Variants in OTUD7A observed in about 807,000 individuals in gnomAD.
OTUD7A encodes the protein OTU deubiquitinase 7A.
In OTUD7A, 12 loss-of-function variants were observed where a neutral mutation model predicts 65.7. That is an observed-to-expected ratio of 0.18 (90% CI 0.12 to 0.30). OTUD7A has a LOEUF of 0.30. Ranked by LOEUF, OTUD7A falls within the 10% of genes least tolerant of loss-of-function variation. The pLI is 1.00. For synonymous variants in OTUD7A, 641 were observed against 586.3 expected, an observed-to-expected ratio of 1.09 and a Z score of -1.35; for missense variants, 1,148 against 1,304.8, an observed-to-expected ratio of 0.88 and a Z score of 1.85.
chr15:31,477,557 C>A lies in OTUD7A; in HGVS notation c.*5737G>T, dbSNP rs1489953370. On this transcript the variant is annotated 3_prime_UTR_variant, in exon 13 of 13. Coordinates refer to ENST00000307050, the MANE Select transcript of OTUD7A (RefSeq NM_001382637.1). ...TCTAACCATCTTGTACCCATAGGAG[C>A]CAGGTCACTGGGTCAGCTAAAGTTC... 1 of 152,156 alleles carries A rather than the reference C, an allele frequency of 6.6e-6. No individual in the cohort carries two copies. Among genetic ancestry groups the A allele is most frequent in the Admixed American group, 6.5e-5 (1 of 15,286 alleles). The allele number at this position is 152,156 out of a possible 1,614,324, so 9.4% of individuals were successfully genotyped here. A position where few individuals can be genotyped will look rare whatever the true frequency, so the allele number is the denominator to read the frequency against.
chr15:31,768,078 T>C, intron 1 of OTUD7A: 2 of 1,597,926 alleles, frequency 1.3e-6, no homozygotes, highest in Non-Finnish European at 1.7e-6. Context: ...GTGAAACAAT[T>C]GCCATATTTT....
At chr15:31,808,858 C>A (rs1302957289) in intron 1 of OTUD7A, among the ~76,000 whole-genome samples, 2 of 152,202 alleles carry the variant, frequency 1.3e-5, no homozygotes, top group African/African-American at 4.8e-5. Context: ...TGAAGGAGTC[C>A]AACTTCAGGC....
At chr15:31,539,385 T>A (rs1487238012) in intron 5 of OTUD7A, among the ~76,000 whole-genome samples, 2 of 152,014 alleles carry the variant, frequency 1.3e-5, no homozygotes, top group Non-Finnish European at 2.9e-5. Flanking sequence ...GACCCCGAGG[T>A]CTACACTTGG....
intron 12 of OTUD7A, among the ~76,000 whole-genome samples, chr15:31,486,099 G>T (rs1420392946): frequency 5.3e-5 from 8 of 152,212 alleles, no homozygotes; most frequent in African/African-American, 1.9e-4. Flanking sequence ...TGTCTGCTGA[G>T]AGCCCTGCAT....
chr15:31,599,759 A>G (rs967206597), intron 3 of OTUD7A, among the ~76,000 whole-genome samples: 2 of 152,298 alleles, frequency 1.3e-5, no homozygotes, highest in South Asian at 4.1e-4. Context: ...GGTTAGACGA[A>G]TTGCTAACTA....
intron 1 of OTUD7A, among the ~76,000 whole-genome samples, chr15:31,776,919 C>T (rs1016286658): frequency 3.3e-5 from 5 of 151,986 alleles, no homozygotes; most frequent in African/African-American, 1.2e-4. Context: ...ACATTGTGCA[C>T]CTGTACCCTA....
chr15:31,589,006 A>T (rs924873227), intron 3 of OTUD7A, among the ~76,000 whole-genome samples: 2 of 152,218 alleles, frequency 1.3e-5, no homozygotes, highest in Admixed American at 1.3e-4. Flanking sequence ...GGTGGGTGAC[A>T]TGGCCACATT....
chr15:31,640,783 A>G (rs1288916152), intron 3 of OTUD7A, among the ~76,000 whole-genome samples: 1 of 152,164 alleles, frequency 6.6e-6, no homozygotes, highest in Non-Finnish European at 1.5e-5. Context: ...TGAAATGGTT[A>G]TTATAGTCAA....
intron 1 of OTUD7A, chr15:31,767,154 C>T (rs1895112723): frequency 3.7e-6 from 5 of 1,363,278 alleles, no homozygotes; most frequent in Non-Finnish European, 5.2e-6. Flanking sequence ...GAGAAGGCGG[C>T]ACTCAGTTGA....
intron 1 of OTUD7A, among the ~76,000 whole-genome samples, chr15:31,676,436 G>A (rs1270123910): frequency 6.6e-6 from 1 of 152,106 alleles, no homozygotes; most frequent in Admixed American, 6.6e-5. Flanking sequence ...GTATCCATGT[G>A]GCCAGTTCTT....
chr15:31,563,865 G>C (rs1167878936), intron 4 of OTUD7A, among the ~76,000 whole-genome samples: 2 of 152,162 alleles, frequency 1.3e-5, no homozygotes, highest in Non-Finnish European at 2.9e-5. Context: ...TCTCCAGCTT[G>C]AGTACCCTTC....
intron 3 of OTUD7A, among the ~76,000 whole-genome samples, chr15:31,637,949 C>T (rs188906450): frequency 1.4e-3 from 217 of 152,240 alleles, no homozygotes; most frequent in African/African-American, 4.9e-3. Context: ...GTGAACACTG[C>T]TGAAATGACA....
At chr15:31,634,914 G>C (rs535296342) in intron 3 of OTUD7A, among the ~76,000 whole-genome samples, 30 of 152,322 alleles carry the variant, frequency 2.0e-4, no homozygotes, top group African/African-American at 6.7e-4. Context: ...TGGGACCCTG[G>C]GGACGCAGAC....
intron 1 of OTUD7A, among the ~76,000 whole-genome samples, chr15:31,702,909 T>C (rs1379396732): frequency 6.6e-6 from 1 of 151,548 alleles, no homozygotes; most frequent in Non-Finnish European, 1.5e-5. Flanking sequence ...GAAATATAGA[T>C]TGAAGGAACA....
intron 3 of OTUD7A, among the ~76,000 whole-genome samples, chr15:31,572,645 A>G (rs1889087552): frequency 6.6e-6 from 1 of 152,222 alleles, no homozygotes. Context: ...GTACAAAAGT[A>G]TCACAGCTCT....
chr15:31,757,078 G>T (rs1360608528), intron 1 of OTUD7A, among the ~76,000 whole-genome samples: 1 of 152,042 alleles, frequency 6.6e-6, no homozygotes, highest in African/African-American at 2.4e-5. Context: ...TTTAACCTCT[G>T]TCCCTGTCCA....
chr15:31,843,716 A>C (rs1401681834), intron 1 of OTUD7A, among the ~76,000 whole-genome samples: 2 of 152,188 alleles, frequency 1.3e-5, no homozygotes, highest in African/African-American at 4.8e-5. Flanking sequence ...TGCTACGCCT[A>C]ACTCAAACTT....
At chr15:31,502,971 G>A (rs1232993103) in intron 9 of OTUD7A, among the ~76,000 whole-genome samples, 1 of 152,230 alleles carries the variant, frequency 6.6e-6, no homozygotes, top group Non-Finnish European at 1.5e-5. Flanking sequence ...TATGACTTTT[G>A]TTAAGGTGCA....
chr15:31,822,959 T>C (rs1896721485), intron 1 of OTUD7A, among the ~76,000 whole-genome samples: 1 of 152,190 alleles, frequency 6.6e-6, no homozygotes. Flanking sequence ...TATGGTTCCA[T>C]GTAAAAACTA....
Sources: gnomAD v4.1 joint callset for allele counts (sites outside exome capture counted in the v4.1 genomes callset) on GRCh38, gnomAD v4.1.1 for gene constraint, MANE v1.5 for transcripts, NCBI Gene and HGNC (gene_info 2026-07-23, HGNC 2026-07-21) for gene names.